Variants in DBT observed in about 807,000 individuals in gnomAD.
The protein encoded by DBT is lipoamide acyltransferase component of branched-chain alpha-keto acid dehydrogenase complex, mitochondrial.
Under a neutral mutation model 51.3 loss-of-function variants are expected in DBT, and 40 were observed. The observed-to-expected ratio is 0.78, with a 90% CI of 0.61 to 1.02. The LOEUF is 1.02. Ranked by LOEUF, DBT falls within the 50% of genes least tolerant of loss-of-function variation. The pLI is 0.00. For missense variants in DBT, 510 were observed against 580.2 expected (o/e 0.88, Z 1.24); for synonymous variants, 181 against 190.4 (o/e 0.95, Z 0.41).
chr1:100,199,131 C>T (rs183412518), intron 10 of DBT, among the ~76,000 whole-genome samples: 1 of 152,052 alleles, frequency 6.6e-6, no homozygotes, highest in East Asian at 1.9e-4. Flanking sequence ...TTTTCAAGCT[C>T]CCGTATGATT....
At chr1:100,210,794 A>C in intron 7 of DBT, 23 bp from the exon 8 acceptor site, 5 of 1,612,252 alleles carry the variant, frequency 3.1e-6, no homozygotes, top group Non-Finnish European at 4.2e-6. Context: ...AAAAGAATGC[A>C]ATTTTAGTAC....
intron 5 of DBT, among the ~76,000 whole-genome samples, chr1:100,216,873 T>G (rs1255031411): frequency 6.6e-6 from 1 of 152,162 alleles, no homozygotes; most frequent in Admixed American, 6.5e-5. Context: ...CATAAAAGCT[T>G]GGAATGATCT....
In DBT at chr1:100,189,009, A is replaced by C. The variant is rs1660693226; in HGVS notation, c.*7246T>G. 6.6e-6 allele frequency: 1 copy of C among 152,178 alleles called. No individual in the cohort carries two copies. Among genetic ancestry groups the C allele is most frequent in the African/African-American group, 2.4e-5 (1 of 41,426 alleles). 9.4% of individuals were successfully genotyped at this position (152,178 alleles called of 1,614,324 possible). ...CTTGCAAACATCAGAGATTCGTGCT[A>C]TCTTCAGTGTTTAAGTGGTAATGCC... On this transcript the variant is annotated 3_prime_UTR_variant, in exon 11 of 11. Coordinates refer to ENST00000370132, the MANE Select transcript of DBT (RefSeq NM_001918.5).
chr1:100,235,050 A>G (rs1263958405), intron 3 of DBT, among the ~76,000 whole-genome samples: 2 of 152,154 alleles, frequency 1.3e-5, no homozygotes, highest in African/African-American at 4.8e-5. Context: ...TAATGTTTCA[A>G]AATTTATTTT....
At chr1:100,240,926 C>T (rs1194043107) in intron 1 of DBT, 42 bp from the exon 2 acceptor site, 1 of 1,595,254 alleles carries the variant, frequency 6.3e-7, no homozygotes, top group African/African-American at 1.3e-5. Context: ...TTATAAACAA[C>T]CATACCGGCT....
chr1:100,215,822 C>CA (rs910573290), intron 6 of DBT, among the ~76,000 whole-genome samples, 161 bp downstream of exon 6: 28 of 149,680 alleles, frequency 1.9e-4, no homozygotes, highest in African/African-American at 5.7e-4. Context: ...AACTCCATCT[C>CA]AAAAAAAAAG....
rs920360091 is a variant in DBT at position 100,189,176 on chromosome 1, G to C, written c.*7079C>G. ...GCCAACATGGCGAAACCCCATCTCT[G>C]CTAAAAATAGAAAAATTAGCCAGGC... On this transcript the variant is annotated 3_prime_UTR_variant, in exon 11 of 11. Transcript: ENST00000370132. 6.6e-6 allele frequency: 1 copy of C among 151,878 alleles called. No individual in the cohort carries two copies. Among genetic ancestry groups the C allele is most frequent in the African/African-American group, 2.4e-5 (1 of 41,336 alleles). 9.4% of individuals were successfully genotyped at this position (151,878 alleles called of 1,614,324 possible).
chr1:100,225,022 C>CAAAAA lies in DBT; in HGVS notation c.433+5706_433+5710dup, dbSNP rs1553231585. ...GACAGAGTGAGACTCCGTCTCCCCC[C>CAAAAA]AAAAAAAAAAAAAAAAAAAAATATA... On this transcript the variant is annotated intron_variant, in intron 4 of 10. Coordinates refer to ENST00000370132, the MANE Select transcript of DBT (RefSeq NM_001918.5). Among the ~76,000 whole-genome samples, 44 of 64,800 alleles carry CAAAAA rather than the reference C, an allele frequency of 6.8e-4. 4 individuals carry two copies. The highest frequency in any genetic ancestry group is 3.0e-3 in the African/African-American group (34 of 11,460). 42.5% of individuals were successfully genotyped at this position (64,800 alleles called of 152,430 possible).
In DBT at chr1:100,206,728, C is replaced by T. The variant is rs1570806830; in HGVS notation, c.1018-92G>A. On this transcript the variant is annotated intron_variant, in intron 8 of 10. Coordinates refer to ENST00000370132, the MANE Select transcript of DBT (RefSeq NM_001918.5). ...CTTCACTGCCATCTAGAAACCACTA[C>T]CAAAACTCATTTTTACCAGATTGGT... is the stretch of plus-strand genomic sequence containing the variant. 3 of 786,698 alleles carry T rather than the reference C, an allele frequency of 3.8e-6. No individual in the cohort carries two copies. The East Asian group carries it at 7.3e-5, about 19-fold the overall frequency. 48.7% of individuals were successfully genotyped at this position (786,698 alleles called of 1,614,324 possible).
chr1:100,206,095 T>G, intron 10 of DBT, 135 bp downstream of exon 10: 1 of 524,954 alleles, frequency 1.9e-6, no homozygotes, highest in South Asian at 2.4e-5. Flanking sequence ...AAAAAAGAAA[T>G]AATAGACTTT....
intron 2 of DBT, among the ~76,000 whole-genome samples, chr1:100,237,820 T>G (rs1663973544): frequency 6.6e-6 from 1 of 152,040 alleles, no homozygotes; most frequent in South Asian, 2.1e-4. Context: ...AAATTTTTTA[T>G]AGAGGTGAGG....
intron 4 of DBT, among the ~76,000 whole-genome samples, chr1:100,225,907 A>G (rs1663171083): frequency 6.6e-6 from 1 of 151,832 alleles, no homozygotes; most frequent in Admixed American, 6.6e-5. Flanking sequence ...GCTAAGGCAG[A>G]AGGACTGCTT....
rs181239040 is a variant in DBT at position 100,235,506 on chromosome 1, G to T, written c.181C>A (p.Arg61Ser). The change falls in exon 3 of 11, where the codon CGT becomes AGT. Residue 61 changes from arginine (R) to serine (S), a missense_variant. Arg to Ser is a moderately radical substitution (Grantham distance 110, BLOSUM62 -1). Transcript: ENST00000370132. ...AGCTTGAACTGAACAACCTGTCCAC[G>T]GAGAGCTTCAAAGACAAATGAGAAA... ...HHFLKTTAALRGQVVQFKLSD... is the reference protein window; with the variant it reads ...HHFLKTTAALSGQVVQFKLSD... 2 of 1,571,926 alleles carry T rather than the reference G, an allele frequency of 1.3e-6. No individual in the cohort carries two copies. Among genetic ancestry groups the T allele is most frequent in the African/African-American group, 1.3e-5 (1 of 74,122 alleles).
At position 100,206,309 on chromosome 1, in the gene DBT, TTAAAAAAAAA is replaced by T. The variant is rs780660910; in HGVS notation, c.1210-18_1210-9del. 1.1e-5 allele frequency: 16 copies of T among 1,449,676 alleles called. No individual in the cohort carries two copies. In the East Asian group the frequency reaches 3.6e-4, roughly 32 times the overall value. 89.8% of individuals were successfully genotyped at this position (1,449,676 alleles called of 1,614,324 possible). ...GGCAAAGGTACCACCAATCTATTTT[TTAAAAAAAAA>T]AAAAGGAGAGTATTAAAAGTTAAGA... On this transcript the variant is annotated splice_polypyrimidine_tract_variant and intron_variant, in intron 9 of 10. Transcript: ENST00000370132.
intron 1 of DBT, among the ~76,000 whole-genome samples, chr1:100,243,725 T>TCA (rs1664367150): frequency 6.6e-6 from 1 of 152,028 alleles, no homozygotes; most frequent in Non-Finnish European, 1.5e-5. Flanking sequence ...TTGTCCAAGG[T>TCA]CACACAGCAA....
chr1:100,229,625 AG>A (rs1362812232), intron 4 of DBT, among the ~76,000 whole-genome samples: 5 of 152,242 alleles, frequency 3.3e-5, no homozygotes, highest in African/African-American at 1.2e-4. Context: ...ACTAAGTGTC[AG>A]CCAGACACTG....
intron 7 of DBT, among the ~76,000 whole-genome samples, chr1:100,214,348 C>T (rs910892856): frequency 6.6e-6 from 1 of 152,124 alleles, no homozygotes; most frequent in Non-Finnish European, 1.5e-5. Context: ...TTTATAATTT[C>T]CTATTGAACA....
intron 2 of DBT, among the ~76,000 whole-genome samples, chr1:100,237,286 A>T (rs1337904652): frequency 1.3e-5 from 2 of 152,158 alleles, no homozygotes; most frequent in Non-Finnish European, 2.9e-5. Context: ...CACATGAGTG[A>T]GACCATCTTG....
At chr1:100,232,012 T>C (rs1663579735) in intron 3 of DBT, among the ~76,000 whole-genome samples, 1 of 152,230 alleles carries the variant, frequency 6.6e-6, no homozygotes, top group Non-Finnish European at 1.5e-5. Context: ...TTTATATCTT[T>C]TCAACTTTAT....
Sources: gnomAD v4.1 joint callset for allele counts (sites outside exome capture counted in the v4.1 genomes callset) on GRCh38, gnomAD v4.1.1 for gene constraint, MANE v1.5 for transcripts, NCBI Gene and HGNC (gene_info 2026-07-23, HGNC 2026-07-21) for gene names.